ALG13: variants seen among roughly 807,000 people sequenced by gnomAD.
ALG13 encodes the protein ALG13 UDP-N-acetylglucosaminyltransferase subunit, also known as UDP-N-acetylglucosamine transferase subunit ALG13.
In ALG13, 11 loss-of-function variants were observed where a neutral mutation model predicts 87.8. That is an observed-to-expected ratio of 0.13 (90% confidence interval 0.08 to 0.21). The LOEUF (loss-of-function observed/expected upper bound fraction) is 0.21. Among genes scored for constraint, ALG13 ranks in the 10% least tolerant of loss-of-function variants. The probability of loss-of-function intolerance (pLI) is 1.00; values close to 1 mark genes in which losing one functional copy is unlikely to be tolerated. For missense variants in ALG13, 756 were observed against 866.1 expected (o/e 0.87, Z 1.60); for synonymous variants, 320 against 306.3 (o/e 1.04, Z -0.47).
intron 3 of ALG13, among the ~76,000 whole-genome samples, chrX:111,707,075 A>G (rs920671362): frequency 1.9e-4 from 21 of 112,047 alleles, no homozygotes; most frequent in African/African-American, 6.1e-4. Flanking sequence ...AAGACACTAG[A>G]TAGTATAGAT....
In ALG13 at chrX:111,725,002, T is replaced by C. The variant is rs1255485671; in HGVS notation, c.1670T>C (p.Met557Thr). The part of the protein sequence containing the change: ...QVMSVPAWNA[M>T]PSRKGRGYQK... ...ATGTCTGTTCCTGCCTGGAATGCTA[T>C]GCCCAGTCGGAAAGGAAGAGGTTAC... The change falls in exon 15 of 27, where the codon ATG becomes ACG. Residue 557 changes from methionine (M) to threonine (T), a missense_variant. Met to Thr is a moderately conservative substitution (Grantham distance 81). This residue lies in a region of ALG13 where 362 missense variants were observed against 383.5 expected (regional missense o/e 0.94). Transcript: ENST00000394780. 4.1e-6 allele frequency: 5 copies of C among 1,209,528 alleles called. No homozygotes were observed. The highest frequency in any genetic ancestry group is 3.5e-5 in the African/African-American group (2 of 57,182).
rs999190847 is a variant in ALG13, at chrX:111,750,353, A to G, written c.2933-2437A>G. On this transcript the variant is annotated intron_variant, in intron 24 of 26. Coordinates refer to ENST00000394780, the MANE Select transcript of ALG13 (RefSeq NM_001099922.3). ...CTTTTGCAACTAACTTTTTTTCTCT[A>G]AGCATACTATTTTCAAGGTTCATGT... Among the ~76,000 whole-genome samples, 2 of 111,707 alleles carry G rather than the reference A, an allele frequency of 1.8e-5. 1 individual carries two copies. Among genetic ancestry groups the G allele is most frequent in the Admixed American group, 1.9e-4 (2 of 10,514 alleles).
chrX:111,714,941 T>G (rs1322119723), intron 8 of ALG13, among the ~76,000 whole-genome samples: 2 of 112,040 alleles, frequency 1.8e-5, no homozygotes, highest in African/African-American at 3.2e-5. Context: ...AGATGAAATT[T>G]GGATCTTTAC....
At chrX:111,757,815 G>GTAAT (rs1281428590) in intron 26 of ALG13, 53 bp downstream of exon 26, 9 of 1,080,229 alleles carry the variant, frequency 8.3e-6, no homozygotes, top group Non-Finnish European at 1.1e-5. Flanking sequence ...TTTATTGTGT[G>GTAAT]TAATTCAATA....
chrX:111,733,252 A>G (rs1413654250), intron 21 of ALG13, among the ~76,000 whole-genome samples: 8 of 111,181 alleles, frequency 7.2e-5, no homozygotes, highest in Non-Finnish European at 1.1e-4. Context: ...GCAGTGTACC[A>G]CTGTAAGCAA....
Position 111,684,961 on chromosome X carries a change from GT to G in ALG13, c.245-3del. 8.4e-7 allele frequency: 1 copy of G among 1,194,274 alleles called. No homozygotes were observed. The highest frequency in any genetic ancestry group is 1.1e-6 in the Non-Finnish European group (1 of 888,190). On this transcript the variant is annotated splice_region_variant and splice_polypyrimidine_tract_variant and intron_variant, in intron 2 of 26. Transcript: ENST00000394780. ...TGTTGAACAAATTTGATTTATATTTGTAGGTGCAGGAAGCTGTTTGGAGACT... is the reference window on the plus strand; with the variant it reads ...TGTTGAACAAATTTGATTTATATTTGAGGTGCAGGAAGCTGTTTGGAGACT...
At position 111,708,054 on chromosome X, in the gene ALG13, G is replaced by C. The variant is rs1057518808; in HGVS notation, c.411G>C (p.Lys137Asn). The C allele has an allele frequency of 8.3e-7, 1 of 1,208,346 alleles. No individual in the cohort carries two copies. Among genetic ancestry groups the C allele is most frequent in the Non-Finnish European group, 1.1e-6 (1 of 894,521 alleles). ...TCCTGACTTGTCCTGGGCAAGCCAAGTCCATTGCTTCTGCTCCTGGGAAGT... is the reference window on the plus strand; with the variant it reads ...TCCTGACTTGTCCTGGGCAAGCCAACTCCATTGCTTCTGCTCCTGGGAAGT... ...CRVLTCPGQA[K>N]SIASAPGKCQ... The change falls in exon 4 of 27, where the codon AAG (lysine) becomes AAC (asparagine). Residue 137 changes from lysine to asparagine, a missense_variant. Transcript: ENST00000394780.
At chrX:111,722,556 T>C (rs905574475) in intron 12 of ALG13, among the ~76,000 whole-genome samples, 2 of 112,462 alleles carry the variant, frequency 1.8e-5, no homozygotes, top group African/African-American at 6.5e-5. Flanking sequence ...GATTACAAAC[T>C]CCCAATTTCC....
intron 16 of ALG13, 69 bp downstream of exon 16, chrX:111,727,124 G>A (rs1042789289): frequency 1.6e-4 from 179 of 1,139,969 alleles, no homozygotes; most frequent in Admixed American, 9.0e-5. Flanking sequence ...GATCCAAGAA[G>A]ATAGAATGCC....
chrX:111,717,806 G>A (rs1940852052), intron 8 of ALG13, 40 bp from the exon 9 acceptor site: 2 of 970,669 alleles, frequency 2.1e-6, no homozygotes, highest in South Asian at 2.2e-5. Context: ...GTTTTAAGAT[G>A]TGTAACATTC....
chrX:111,730,231 G>C (rs914766018), intron 19 of ALG13, among the ~76,000 whole-genome samples, 164 bp from the exon 20 acceptor site: 15 of 112,345 alleles, frequency 1.3e-4, no homozygotes, highest in Non-Finnish European at 2.8e-4. Flanking sequence ...TTCAATATCT[G>C]TTGACTAGTG....
chrX:111,681,438 TTAG>T, intron 1 of ALG13, 139 bp downstream of exon 1: 1 of 1,124,550 alleles, frequency 8.9e-7, no homozygotes, highest in Non-Finnish European at 1.2e-6. Flanking sequence ...CCGCTGCCCC[TTAG>T]CTGGCTTCTG....
intron 16 of ALG13, 84 bp from the exon 17 acceptor site, chrX:111,727,248 A>G: frequency 1.4e-5 from 13 of 906,538 alleles, no homozygotes; most frequent in Non-Finnish European, 2.0e-5. Flanking sequence ...TTAGAAAGAC[A>G]GATTAGTTCT....
intron 24 of ALG13, among the ~76,000 whole-genome samples, chrX:111,752,101 T>C (rs1047531927): frequency 9.0e-6 from 1 of 111,700 alleles, no homozygotes; most frequent in Non-Finnish European, 1.9e-5. Context: ...CTGTACTGTA[T>C]ATAAGTGCTA....
At chrX:111,757,314 A>G (rs1418512613) in intron 25 of ALG13, 1 of 240,895 alleles carries the variant, frequency 4.2e-6, no homozygotes, top group Non-Finnish European at 7.3e-6. Flanking sequence ...TTTTAAAAAT[A>G]CTATAAAAGA....
chrX:111,683,326 ATT>A (rs763991466), intron 2 of ALG13, among the ~76,000 whole-genome samples: 2 of 63,544 alleles, frequency 3.1e-5, no homozygotes, highest in East Asian at 4.6e-4. Flanking sequence ...CTTTCTTTCT[ATT>A]TTTTTTTTTT....
intron 3 of ALG13, among the ~76,000 whole-genome samples, chrX:111,702,946 TTCCGAA>T (rs1938143161): frequency 9.0e-6 from 1 of 111,262 alleles, no homozygotes; most frequent in Non-Finnish European, 1.9e-5. Flanking sequence ...CTTCATTGTT[TTCCGAA>T]TCCTAGTTTT....
At chrX:111,740,263 G>A (rs1943627894) in intron 23 of ALG13, among the ~76,000 whole-genome samples, 1 of 110,968 alleles carries the variant, frequency 9.0e-6, no homozygotes, top group Admixed American at 9.6e-5. Flanking sequence ...ATGTAATGTG[G>A]GCTAAAGCAA....
At position 111,727,410 on chromosome X, in the gene ALG13, C is replaced by T. The variant is rs1942191104; in HGVS notation, c.2055C>T (p.Cys685=). The T allele has an allele frequency of 2.5e-6, 3 of 1,206,444 alleles. No homozygotes were observed. Among genetic ancestry groups the T allele is most frequent in the Non-Finnish European group, 3.4e-6 (3 of 892,917 alleles). The stretch of plus-strand genomic sequence containing the variant: ...TTTACCCAGGCCCAGGTAAAAGGTG[C>T]TGCCAGAGCTATGATAACTTCTCTT... The part of the protein sequence containing the change: ...VDFYPGPGKR[C]CQSYDNFSYR... Residue 685 remains cysteine (C), a synonymous_variant, in exon 17 of 27, where the codon TGC becomes TGT. Transcript: ENST00000394780.
Sources: gnomAD v4.1 joint callset for allele counts (sites outside exome capture counted in the v4.1 genomes callset) on GRCh38, gnomAD v4.1.1 for gene constraint, gnomAD v4.1.1 regional missense constraint, MANE v1.5 for transcripts, NCBI Gene and HGNC (gene_info 2026-07-23, HGNC 2026-07-21) for gene names.